BTBD7: variants seen among roughly 807,000 people sequenced by gnomAD.
BTBD7 encodes the protein BTB/POZ domain-containing protein 7.
BTBD7 carries 38 observed loss-of-function variants against 99.9 expected under a neutral mutation model. That is an observed-to-expected ratio of 0.38 (90% CI 0.29 to 0.50). The LOEUF (loss-of-function observed/expected upper bound fraction) is 0.50, where lower values mean the gene tolerates loss of function less well. Among genes scored for constraint, BTBD7 ranks in the 20% least tolerant of loss-of-function variants. The probability of loss-of-function intolerance (pLI) is 0.93; values close to 1 mark genes in which losing one functional copy is unlikely to be tolerated. For missense variants in BTBD7, 1,170 were observed against 1,394.6 expected (o/e 0.84, Z 2.57); for synonymous variants, 520 against 511.4 (o/e 1.02, Z -0.23).
intron 1 of BTBD7, among the ~76,000 whole-genome samples, chr14:93,306,071 A>G (rs559654220): frequency 6.6e-6 from 1 of 152,396 alleles, no homozygotes; most frequent in East Asian, 1.9e-4. Flanking sequence ...ACAGCAAATC[A>G]TAGTAGACAT....
intron 3 of BTBD7, chr14:93,288,338 T>C (rs868344640): frequency 3.3e-6 from 2 of 606,178 alleles, no homozygotes; most frequent in African/African-American, 1.8e-5. Flanking sequence ...CTCATCTCTT[T>C]ATTATATTAT....
chr14:93,320,063 CTT>C (rs2139820701), intron 1 of BTBD7, among the ~76,000 whole-genome samples: 1 of 152,264 alleles, frequency 6.6e-6, no homozygotes, highest in Non-Finnish European at 1.5e-5. Context: ...CAAGTGAAAA[CTT>C]GGAGAGAACA....
chr14:93,286,140 C>T (rs2052774507), intron 3 of BTBD7, among the ~76,000 whole-genome samples: 1 of 152,186 alleles, frequency 6.6e-6, no homozygotes, highest in Non-Finnish European at 1.5e-5. Flanking sequence ...CACTCTGCTT[C>T]CAGAAAAAAT....
At chr14:93,295,060 GT>G in intron 2 of BTBD7, 123 bp from the exon 3 acceptor site, 1 of 959,574 alleles carries the variant, frequency 1.0e-6, no homozygotes, top group Non-Finnish European at 1.5e-6. Context: ...AATTGCATTT[GT>G]TTTTTATAAA....
At chr14:93,279,603 A>G (rs1463863431) in intron 3 of BTBD7, among the ~76,000 whole-genome samples, 1 of 152,090 alleles carries the variant, frequency 6.6e-6, no homozygotes, top group Non-Finnish European at 1.5e-5. Context: ...GCTGGAGTGC[A>G]GTGGCGTGAT....
chr14:93,310,342 T>C (rs1261370619), intron 1 of BTBD7, among the ~76,000 whole-genome samples: 1 of 152,178 alleles, frequency 6.6e-6, no homozygotes, highest in African/African-American at 2.4e-5. Context: ...TGAATTAGGA[T>C]CCAAATAAGG....
chr14:93,296,458 TG>T (rs2052928024), intron 1 of BTBD7, among the ~76,000 whole-genome samples: 1 of 152,242 alleles, frequency 6.6e-6, no homozygotes, highest in Admixed American at 6.5e-5. Flanking sequence ...GTACTTGGAC[TG>T]AAAATAAATG....
intron 1 of BTBD7, among the ~76,000 whole-genome samples, chr14:93,324,576 C>G (rs1464236099): frequency 3.9e-5 from 6 of 152,178 alleles, no homozygotes; most frequent in Admixed American, 3.9e-4. Flanking sequence ...TCCAGATACC[C>G]TCTACCTCTC....
At chr14:93,323,372 C>G (rs560206858) in intron 1 of BTBD7, among the ~76,000 whole-genome samples, 2 of 152,190 alleles carry the variant, frequency 1.3e-5, no homozygotes, top group Non-Finnish European at 2.9e-5. Flanking sequence ...CCTCCCTTAT[C>G]AGACATTATT....
rs546037703 is a variant in BTBD7, at chr14:93,238,286, A to G, written c.*3987T>C. ...AAAAATCAAAGGACTTGCCAAAAGG[A>G]TAACTACATAACAGATATGACAATC... is the stretch of plus-strand genomic sequence containing the variant. On this transcript the variant is annotated 3_prime_UTR_variant, in exon 11 of 11. Transcript: ENST00000334746. 1 of 152,698 alleles carries G rather than the reference A, an allele frequency of 6.5e-6. No homozygotes were observed. The highest frequency in any genetic ancestry group is 1.5e-5 in the Non-Finnish European group (1 of 68,042). The allele number at this position is 152,698 out of a possible 1,614,324, so 9.5% of individuals were successfully genotyped here.
intron 1 of BTBD7, among the ~76,000 whole-genome samples, chr14:93,301,895 A>T (rs1218978824): frequency 6.6e-6 from 1 of 152,214 alleles, no homozygotes; most frequent in Non-Finnish European, 1.5e-5. Flanking sequence ...ACTGTGCTAG[A>T]GCGCAAGGGA....
At chr14:93,309,081 C>T (rs1271963998) in intron 1 of BTBD7, among the ~76,000 whole-genome samples, 3 of 152,174 alleles carry the variant, frequency 2.0e-5, no homozygotes, top group Admixed American at 6.5e-5. Flanking sequence ...CTCTCCACTC[C>T]CTTTTTTAAA....
At chr14:93,323,076 T>C (rs1375006759) in intron 1 of BTBD7, among the ~76,000 whole-genome samples, 2 of 152,014 alleles carry the variant, frequency 1.3e-5, no homozygotes, top group African/African-American at 2.4e-5. Context: ...TGAGCTATGA[T>C]AGGGCCACTG....
chr14:93,324,004 A>G (rs529447234), intron 1 of BTBD7, among the ~76,000 whole-genome samples: 1 of 152,368 alleles, frequency 6.6e-6, no homozygotes, highest in Admixed American at 6.5e-5. Flanking sequence ...CATACAAGCA[A>G]TTATAATACA....
intron 5 of BTBD7, among the ~76,000 whole-genome samples, chr14:93,258,676 C>G (rs1385315695): frequency 6.6e-6 from 1 of 152,156 alleles, no homozygotes; most frequent in East Asian, 1.9e-4. Flanking sequence ...CCTCCACCTC[C>G]TGGGTTCAAG....
At chr14:93,314,193 A>G (rs1328288676) in intron 1 of BTBD7, among the ~76,000 whole-genome samples, 1 of 152,196 alleles carries the variant, frequency 6.6e-6, no homozygotes. Flanking sequence ...ATCTCCAAAG[A>G]GTAACAAACC....
At chr14:93,270,237 A>G (rs1212658817) in intron 3 of BTBD7, among the ~76,000 whole-genome samples, 1 of 152,084 alleles carries the variant, frequency 6.6e-6, no homozygotes, top group African/African-American at 2.4e-5. Context: ...CTGGGATTAC[A>G]GGCGCCTGCC....
At chr14:93,270,818 C>G (rs925459418) in intron 3 of BTBD7, among the ~76,000 whole-genome samples, 1 of 152,132 alleles carries the variant, frequency 6.6e-6, no homozygotes, top group Non-Finnish European at 1.5e-5. Flanking sequence ...TTCAGTGATG[C>G]TCTTGGGAGG....
At position 93,288,880 on chromosome 14, in the gene BTBD7, G is replaced by T; in HGVS notation, c.1162+4978C>A. The T allele has an allele frequency of 4.3e-6, 4 of 938,778 alleles. No individual in the cohort carries two copies. In the East Asian group the frequency reaches 8.0e-5, roughly 19 times the overall value. The allele number at this position is 938,778 out of a possible 1,614,324, so 58.2% of individuals were successfully genotyped here. A position where few individuals can be genotyped will look rare whatever the true frequency, so the allele number is the denominator to read the frequency against. On this transcript the variant is annotated intron_variant, in intron 3 of 10. Transcript: ENST00000334746. ...TTGCCTGGCTGGTATTACAGCAGGG[G>T]TTAAGGAAGTAGGTGATTTCACCAT...
Sources: allele counts gnomAD v4.1 joint callset (sites outside exome capture counted in the v4.1 genomes callset), GRCh38; gene constraint gnomAD v4.1.1; transcripts MANE v1.5; gene names NCBI Gene and HGNC (gene_info 2026-07-23, HGNC 2026-07-21).